NHSL3: variants seen among roughly 807,000 people sequenced by gnomAD.
The protein encoded by NHSL3 is NHS-like protein 3.
At chr1:32,771,523 C>T in the NHSL3 span, 3 of 1,595,306 alleles carry the variant, frequency 1.9e-6, no homozygotes, top group East Asian at 2.2e-5. Flanking sequence ...GGAGCAGGAC[C>T]TGTCCATGGC....
chr1:32,765,569 C>T, the NHSL3 span: 55 of 1,442,150 alleles, frequency 3.8e-5, no homozygotes, highest in Non-Finnish European at 5.0e-5. Context: ...GTGGGGTCGG[C>T]AGATGGGCGG....
At chr1:32,761,680 G>C in the NHSL3 span, among the ~76,000 whole-genome samples, 1 of 152,334 alleles carries the variant, frequency 6.6e-6, no homozygotes, top group African/African-American at 2.4e-5. Flanking sequence ...AAGAACTTTT[G>C]TAAGAGCCAT....
At chr1:32,744,568 C>T in the NHSL3 span, among the ~76,000 whole-genome samples, 2 of 152,134 alleles carry the variant, frequency 1.3e-5, no homozygotes, top group Admixed American at 1.3e-4. Flanking sequence ...TTGTTCAACT[C>T]ACTTTACAGA....
At chr1:32,751,213 C>T in the NHSL3 span, among the ~76,000 whole-genome samples, 2 of 152,190 alleles carry the variant, frequency 1.3e-5, no homozygotes, top group Admixed American at 1.3e-4. Flanking sequence ...TTCTTCCCAC[C>T]AGTCCTAGCC....
the NHSL3 span, among the ~76,000 whole-genome samples, chr1:32,754,511 G>A: frequency 6.6e-6 from 1 of 152,052 alleles, no homozygotes; most frequent in Non-Finnish European, 1.5e-5. Flanking sequence ...ATAGGTACAT[G>A]TATACCTATG....
chr1:32,767,495 GACCTGTGT>G, the NHSL3 span, among the ~76,000 whole-genome samples: 1 of 152,090 alleles, frequency 6.6e-6, no homozygotes, highest in Non-Finnish European at 1.5e-5. Flanking sequence ...GTACACAGTA[GACCTGTGT>G]ACCTGTGTGC....
At chr1:32,758,097 T>C in the NHSL3 span, among the ~76,000 whole-genome samples, 1 of 152,064 alleles carries the variant, frequency 6.6e-6, no homozygotes, top group Non-Finnish European at 1.5e-5. Context: ...GTGTATGAGG[T>C]GAGGCCTCCT....
chr1:32,768,832 A>G, the NHSL3 span: 26 of 1,586,056 alleles, frequency 1.6e-5, no homozygotes, highest in East Asian at 5.2e-4. Flanking sequence ...CAGCATCTGT[A>G]GCTTCTTTTC....
At chr1:32,768,847 T>C in the NHSL3 span, 1 of 1,541,206 alleles carries the variant, frequency 6.5e-7, no homozygotes, top group Non-Finnish European at 8.8e-7. Flanking sequence ...CTTTTCCTCC[T>C]TATCCAGTGT....
At chr1:32,765,289 G>A in the NHSL3 span, among the ~76,000 whole-genome samples, 1 of 130,170 alleles carries the variant, frequency 7.7e-6, no homozygotes, top group African/African-American at 2.5e-5. Context: ...CTGCCTGGCT[G>A]CTGCAGGCTC....
At chr1:32,756,476 C>G in the NHSL3 span, among the ~76,000 whole-genome samples, 1 of 107,672 alleles carries the variant, frequency 9.3e-6, no homozygotes, top group Admixed American at 8.9e-5. Context: ...CGAGACCCCC[C>G]CCCCCCGCCC....
At chr1:32,762,557 G>A in the NHSL3 span, among the ~76,000 whole-genome samples, 4 of 151,626 alleles carry the variant, frequency 2.6e-5, no homozygotes, top group Non-Finnish European at 4.4e-5. Flanking sequence ...CGAACTCCTG[G>A]GCTCAAGCCC....
the NHSL3 span, chr1:32,769,654 TCCCACGACTGG>T: frequency 9.4e-6 from 15 of 1,592,384 alleles, no homozygotes; most frequent in Admixed American, 2.6e-4. Context: ...ACAGTTTTTC[TCCCACGACTGG>T]CCCCCAGGCT....
At chr1:32,772,264 C>T in the NHSL3 span, 1 of 1,603,220 alleles carries the variant, frequency 6.2e-7, no homozygotes, top group Middle Eastern at 1.7e-4. Flanking sequence ...GGCCCGCAAG[C>T]CGTCTGTGGG....
At chr1:32,758,868 G>T in the NHSL3 span, among the ~76,000 whole-genome samples, 1 of 152,174 alleles carries the variant, frequency 6.6e-6, no homozygotes, top group East Asian at 1.9e-4. Context: ...GTGAGATCTG[G>T]TCTGGGCCTG....
chr1:32,765,604 G>A, the NHSL3 span: 1 of 1,509,332 alleles, frequency 6.6e-7, no homozygotes, highest in Non-Finnish European at 8.8e-7. Flanking sequence ...GTGGGAGGAG[G>A]ACATGGAGAG....
chr1:32,772,544 G>A, the NHSL3 span: 11 of 1,453,092 alleles, frequency 7.6e-6, no homozygotes, highest in African/African-American at 1.4e-5. Context: ...TAACTTTTCT[G>A]GTCTGAGAAT....
At chr1:32,761,010 C>T in the NHSL3 span, among the ~76,000 whole-genome samples, 2 of 152,086 alleles carry the variant, frequency 1.3e-5, no homozygotes, top group African/African-American at 2.4e-5. Flanking sequence ...GTGTGCTTCC[C>T]GGTGTGCCCT....
the NHSL3 span, chr1:32,770,156 C>T: frequency 1.9e-6 from 3 of 1,593,848 alleles, no homozygotes; most frequent in Non-Finnish European, 2.6e-6. This position sits in a 1 kb window ranked among gnomAD's most constrained non-coding sequence, Gnocchi z 8.3. Context: ...CTAGCAGTGC[C>T]TGGATTGACA....
Sources: allele counts gnomAD v4.1 joint callset (sites outside exome capture counted in the v4.1 genomes callset), GRCh38; gene constraint gnomAD v4.1.1; non-coding constraint Gnocchi (gnomAD v3.1); transcripts MANE v1.5; gene names NCBI Gene and HGNC (gene_info 2026-07-23, HGNC 2026-07-21).